ZBTB41: variants seen among roughly 807,000 people sequenced by gnomAD.
ZBTB41 encodes zinc finger and BTB domain-containing protein 41.
In ZBTB41, 42 loss-of-function variants were observed where a neutral mutation model predicts 87.6. That is an observed-to-expected ratio of 0.48 (90% CI 0.37 to 0.62). The LOEUF is 0.62. Ranked by LOEUF, ZBTB41 falls within the 20% of genes least tolerant of loss-of-function variation. The probability of loss-of-function intolerance (pLI) is 0.00; values close to 1 mark genes in which losing one functional copy is unlikely to be tolerated. For missense variants in ZBTB41, 799 were observed against 1,078.9 expected, an observed-to-expected ratio of 0.74 and a Z score of 3.63; for synonymous variants, 364 against 364.0, an observed-to-expected ratio of 1.00 and a Z score of 0.00.
intron 9 of ZBTB41, among the ~76,000 whole-genome samples, chr1:197,173,854 T>C (rs932788714): frequency 1.3e-5 from 2 of 152,088 alleles, no homozygotes; most frequent in Middle Eastern, 3.2e-3. Flanking sequence ...ATAAAACATG[T>C]GGCAATGCCT....
Position 197,176,573 on chromosome 1 carries a change from T to C in ZBTB41, c.1870A>G (p.Ile624Val). The change falls in exon 8 of 11, where the codon ATA becomes GTA. Residue 624 changes from isoleucine to valine, a missense_variant. Physicochemically the swap from Ile to Val is conservative, Grantham distance 29. Coordinates refer to ENST00000367405, the MANE Select transcript of ZBTB41 (RefSeq NM_194314.3). ...ACAAAATATGGTATACCTGAATGTA[T>C]TTTTTTGTGCTTTGTAAGGTGATCA... is the stretch of plus-strand genomic sequence containing the variant. ...RHDHLTKHKK[I>V]HSGEKAHQCE... is the part of the protein sequence containing the mutation. 6.2e-7 allele frequency: 1 copy of C among 1,606,728 alleles called. No individual in the cohort carries two copies. Among genetic ancestry groups the C allele is most frequent in the East Asian group, 2.2e-5 (1 of 44,702 alleles).
intron 10 of ZBTB41, 30 bp downstream of exon 10, chr1:197,172,130 T>C: frequency 1.1e-6 from 1 of 921,314 alleles, no homozygotes; most frequent in Non-Finnish European, 1.5e-6. Context: ...TCTATATATA[T>C]ATATCTATGA....
rs1660252632 is a variant in ZBTB41, at chr1:197,199,579, C to T, written c.895G>A (p.Gly299Arg). 7 of 1,608,568 alleles carry T rather than the reference C, an allele frequency of 4.4e-6. No individual in the cohort carries two copies. The highest frequency in any genetic ancestry group is 3.4e-5 in the Admixed American group (2 of 59,012). The change falls in exon 2 of 11, where the codon GGA becomes AGA. Residue 299 changes from glycine (G) to arginine (R), a missense_variant. Transcript: ENST00000367405. ...KSDRNDSEDP[G>R]SEYNAEEDEL... Reference sequence around the variant, plus strand: ...TCTTCTTCAGCATTATATTCACTTCCAGGGTCCTCAGAATCATTTCTATCT... The same window carrying T: ...TCTTCTTCAGCATTATATTCACTTCTAGGGTCCTCAGAATCATTTCTATCT...
intron 5 of ZBTB41, among the ~76,000 whole-genome samples, chr1:197,185,306 T>TGGAGA (rs1302835069): frequency 6.6e-6 from 1 of 151,974 alleles, no homozygotes; most frequent in Non-Finnish European, 1.5e-5. Flanking sequence ...GAACTGAACA[T>TGGAGA]GGAGAGGACC....
chr1:197,169,203 T>C (rs1188697938), intron 10 of ZBTB41, among the ~76,000 whole-genome samples: 1 of 152,002 alleles, frequency 6.6e-6, no homozygotes, highest in African/African-American at 2.4e-5. Context: ...GCATATCCTA[T>C]GAGCCAGGAA....
intron 10 of ZBTB41, among the ~76,000 whole-genome samples, chr1:197,169,429 TA>T (rs1659426323): frequency 2.0e-5 from 3 of 151,982 alleles, no homozygotes; most frequent in Admixed American, 2.0e-4. Flanking sequence ...TAATATTTAT[TA>T]GGTAAAAGAA....
intron 10 of ZBTB41, among the ~76,000 whole-genome samples, chr1:197,163,648 C>T (rs1167573319): frequency 6.6e-6 from 1 of 151,880 alleles, no homozygotes; most frequent in Non-Finnish European, 1.5e-5. Context: ...CACACACACA[C>T]ACACACACAC....
At chr1:197,165,984 G>C (rs922793168) in intron 10 of ZBTB41, among the ~76,000 whole-genome samples, 10 of 151,010 alleles carry the variant, frequency 6.6e-5, no homozygotes, top group African/African-American at 2.4e-4. Context: ...CACTGAGGCT[G>C]AACAAAGAGA....
At position 197,159,847 on chromosome 1, in the gene ZBTB41, C is replaced by A; in HGVS notation, c.2242G>T (p.Glu748Ter). The change falls in exon 11 of 11, where the codon GAA (glutamate) becomes TAA (stop). Residue 748 changes from glutamate to a stop codon, truncating the protein, a stop_gained. Coordinates refer to ENST00000367405, the MANE Select transcript of ZBTB41 (RefSeq NM_194314.3). LOFTEE classifies it high-confidence loss of function. ...KLKYHIDHVH[E>*]IKSPDDPLST... Reference sequence around the variant, plus strand: ...AGAGGATCATCAGGAGATTTTATTTCATGAACATGGTCAATGTGGTATTTC... The same window carrying A: ...AGAGGATCATCAGGAGATTTTATTTAATGAACATGGTCAATGTGGTATTTC... 6.2e-7 allele frequency: 1 copy of A among 1,613,950 alleles called. No homozygotes were observed. Among genetic ancestry groups the A allele is most frequent in the Non-Finnish European group, 8.5e-7 (1 of 1,179,900 alleles).
At position 197,159,596 on chromosome 1, in the gene ZBTB41, G is replaced by C. The variant is rs12128631; in HGVS notation, c.2493C>G (p.Leu831=). The C allele has an allele frequency of 6.2e-7, 1 of 1,613,688 alleles. No homozygotes were observed. Among genetic ancestry groups the C allele is most frequent in the Non-Finnish European group, 8.5e-7 (1 of 1,179,858 alleles). The change falls in exon 11 of 11, where the codon CTC becomes CTG. Residue 831 remains leucine, a synonymous_variant. Coordinates refer to ENST00000367405, the MANE Select transcript of ZBTB41 (RefSeq NM_194314.3). ...PSDLVRHTTT[L]PPSSHEILSP... ...ACAGAATCTCATGAGAAGATGGTGG[G>C]AGTGTGGTAGTATGACGCACTAGGT...
At position 197,186,794 on chromosome 1, in the gene ZBTB41, G is replaced by A. The variant is rs184555651; in HGVS notation, c.1546+1498C>T. Among the ~76,000 whole-genome samples, 965 of 152,202 alleles carry A rather than the reference G, an allele frequency of 6.3e-3. 12 individuals are homozygous for A. Among genetic ancestry groups the A allele is most frequent in the African/African-American group, 0.022 (927 of 41,520 alleles). ...CAGGAGAATCACTTGAACCTGGGAG[G>A]TGGAGGTTGCAGTAAGCCAAGATTG... On this transcript the variant is annotated intron_variant, in intron 5 of 10. Transcript: ENST00000367405.
rs1659058152 is a variant in ZBTB41, at chr1:197,155,995, ATTATT to A, written c.*3359_*3363del. ...GACTTAAAAAAATTCGAAGGCAAAA[ATTATT>A]TTGATAGTGTAGTGTAAAAAATAGG... On this transcript the variant is annotated 3_prime_UTR_variant, in exon 11 of 11. Transcript: ENST00000367405. The A allele has an allele frequency of 6.6e-6, 1 of 152,316 alleles. No individual in the cohort carries two copies. 9.4% of individuals were successfully genotyped at this position (152,316 alleles called of 1,614,324 possible). A position where few individuals can be genotyped will look rare whatever the true frequency, so the allele number is the denominator to read the frequency against.
chr1:197,163,892 T>G (rs1207446094), intron 10 of ZBTB41, among the ~76,000 whole-genome samples: 1 of 151,922 alleles, frequency 6.6e-6, no homozygotes. Context: ...AAAAATTACC[T>G]ATGAGGTAAA....
At chr1:197,164,385 A>G (rs958837375) in intron 10 of ZBTB41, among the ~76,000 whole-genome samples, 1 of 151,976 alleles carries the variant, frequency 6.6e-6, no homozygotes, top group African/African-American at 2.4e-5. Context: ...TTGTGTGAAC[A>G]GCATGATGAT....
chr1:197,176,705 T>G, intron 7 of ZBTB41, 35 bp from the exon 8 acceptor site: 1 of 1,459,882 alleles, frequency 6.8e-7, no homozygotes. Context: ...CCATTAAAAC[T>G]GGTGACATAG....
intron 1 of ZBTB41, among the ~76,000 whole-genome samples, 186 bp from the exon 2 acceptor site, chr1:197,200,776 A>G (rs1015502146): frequency 1.3e-5 from 2 of 152,238 alleles, no homozygotes; most frequent in African/African-American, 4.8e-5. Flanking sequence ...AAGGCAGCCA[A>G]CAAAAGAATA....
chr1:197,183,615 T>C (rs926825497), intron 5 of ZBTB41, among the ~76,000 whole-genome samples: 2 of 152,212 alleles, frequency 1.3e-5, no homozygotes, highest in East Asian at 1.9e-4. Flanking sequence ...AGATTACCTA[T>C]TGCGCCGTAA....
Position 197,200,605 on chromosome 1 carries a change from G to T in ZBTB41, c.-117-15C>A. The T allele has an allele frequency of 1.3e-6, 1 of 774,028 alleles. No homozygotes were observed. The highest frequency in any genetic ancestry group is 1.9e-6 in the Non-Finnish European group (1 of 520,270). The allele number at this position is 774,028 out of a possible 1,614,324, so 47.9% of individuals were successfully genotyped here. A position where few individuals can be genotyped will look rare whatever the true frequency, so the allele number is the denominator to read the frequency against. On this transcript the variant is annotated splice_polypyrimidine_tract_variant and intron_variant, in intron 1 of 10. Transcript: ENST00000367405. ...GGTTTCATGGTCTGCAAAAGAGTGA[G>T]AACCACGTAAAATAACTCCATGGCA...
rs1432785597 is a variant in ZBTB41, at chr1:197,191,830, C to T, written c.1190G>A (p.Arg397His). 5.6e-6 allele frequency: 9 copies of T among 1,613,654 alleles called. No homozygotes were observed. Among genetic ancestry groups the T allele is most frequent in the Middle Eastern group, 1.6e-4 (1 of 6,074 alleles). The change falls in exon 3 of 11, where the codon CGC becomes CAC. Residue 397 changes from arginine to histidine, a missense_variant. By Grantham distance (29) the Arg-to-His change is conservative. Coordinates refer to ENST00000367405, the MANE Select transcript of ZBTB41 (RefSeq NM_194314.3). ...KPFECDICHQ[R>H]YSTKSNLTVH... ...AGTTAGGTTAGACTTTGTTGAATAG[C>T]GCTGGTGACAAATATCACACTCAAA...
Sources: allele counts gnomAD v4.1 joint callset (sites outside exome capture counted in the v4.1 genomes callset), GRCh38; gene constraint gnomAD v4.1.1; transcripts MANE v1.5; gene names NCBI Gene and HGNC (gene_info 2026-07-23, HGNC 2026-07-21).